OSBPL10: variants seen among roughly 807,000 people sequenced by gnomAD.
OSBPL10 encodes oxysterol binding protein like 10.
In OSBPL10, 49 loss-of-function variants were observed where a neutral mutation model predicts 81.7. The observed-to-expected ratio is 0.60, with a 90% CI of 0.48 to 0.76. The LOEUF (loss-of-function observed/expected upper bound fraction) is 0.76. Among genes scored for constraint, OSBPL10 ranks in the 30% least tolerant of loss-of-function variants. OSBPL10 has a pLI of 0.00. For missense variants in OSBPL10, 923 were observed against 987.8 expected, an observed-to-expected ratio of 0.93 and a Z score of 0.88; for synonymous variants, 419 against 383.6, an observed-to-expected ratio of 1.09 and a Z score of -1.08.
chr3:31,813,580 T>A lies in OSBPL10; in HGVS notation c.729+16460A>T, dbSNP rs189993619. 2.7e-3 allele frequency among the ~76,000 whole-genome samples: 415 copies of A among 152,312 alleles called. 2 individuals carry two copies. The highest frequency in any genetic ancestry group is 4.2e-3 in the Non-Finnish European group (284 of 68,028). On this transcript the variant is annotated intron_variant, in intron 4 of 11. Transcript: ENST00000396556. ...CAGAAATTACATGTAAAGTAAAATA[T>A]CTGTGGCTAATGCTGTGAGCACTAC...
intron 1 of OSBPL10, among the ~76,000 whole-genome samples, chr3:31,889,351 A>C (rs1216004990): frequency 6.6e-6 from 1 of 152,160 alleles, no homozygotes; most frequent in African/African-American, 2.4e-5. Context: ...CTGCACCCCC[A>C]CGTTTAGTGC....
chr3:31,693,006 C>G (rs960658214), intron 7 of OSBPL10, among the ~76,000 whole-genome samples: 6 of 152,218 alleles, frequency 3.9e-5, no homozygotes, highest in Non-Finnish European at 8.8e-5. Context: ...TTTACACAGA[C>G]AAGCTTAGGG....
intron 2 of OSBPL10, among the ~76,000 whole-genome samples, chr3:32,018,146 C>A (rs1699331861): frequency 8.8e-6 from 1 of 113,114 alleles, no homozygotes; most frequent in African/African-American, 3.5e-5. Flanking sequence ...AAAACTCCAT[C>A]TCAATAAATA....
chr3:31,716,750 C>G (rs1278853440), intron 6 of OSBPL10, among the ~76,000 whole-genome samples: 1 of 152,186 alleles, frequency 6.6e-6, no homozygotes, highest in Non-Finnish European at 1.5e-5. Flanking sequence ...AAATTATATT[C>G]TTCAACATTA....
chr3:31,875,779 T>C (rs2125630533), intron 3 of OSBPL10, among the ~76,000 whole-genome samples: 1 of 152,270 alleles, frequency 6.6e-6, no homozygotes, highest in South Asian at 2.1e-4. Context: ...TTTGAACTAA[T>C]GATAGAAAGG....
At chr3:32,001,568 A>G (rs527559903) in intron 2 of OSBPL10, among the ~76,000 whole-genome samples, 14 of 152,354 alleles carry the variant, frequency 9.2e-5, no homozygotes, top group African/African-American at 3.1e-4. Flanking sequence ...AAACTGGTGC[A>G]AATAAGAATT....
At chr3:31,788,014 GAAT>G (rs1022967041) in intron 4 of OSBPL10, among the ~76,000 whole-genome samples, 3 of 152,080 alleles carry the variant, frequency 2.0e-5, no homozygotes, top group African/African-American at 7.2e-5. Context: ...TGTAATAAAT[GAAT>G]AATATTTACA....
intron 1 of OSBPL10, among the ~76,000 whole-genome samples, chr3:31,968,648 C>T (rs1241569079): frequency 6.6e-6 from 1 of 152,136 alleles, no homozygotes; most frequent in Admixed American, 6.6e-5. Flanking sequence ...TCCTATTAAT[C>T]AACATGAGAA....
intron 2 of OSBPL10, among the ~76,000 whole-genome samples, chr3:32,026,053 TA>T (rs1350859693): frequency 0.033 from 3,965 of 118,694 alleles, 48 homozygotes; most frequent in African/African-American, 0.037. Flanking sequence ...GATAGATAGA[TA>T]GATGATAGAT....
chr3:32,055,484 T>C (rs189273109), intron 1 of OSBPL10, among the ~76,000 whole-genome samples: 1 of 152,106 alleles, frequency 6.6e-6, no homozygotes, highest in African/African-American at 2.4e-5. Flanking sequence ...GCATGAGCCA[T>C]ATTTATAGCT....
chr3:31,867,401 G>T (rs191862552), intron 3 of OSBPL10, among the ~76,000 whole-genome samples: 6 of 152,172 alleles, frequency 3.9e-5, no homozygotes, highest in African/African-American at 1.4e-4. Flanking sequence ...AAAATACCAG[G>T]AAACACTTCC....
intron 2 of OSBPL10, among the ~76,000 whole-genome samples, chr3:32,044,160 C>G (rs1699602105): frequency 6.6e-6 from 1 of 152,002 alleles, no homozygotes; most frequent in Non-Finnish European, 1.5e-5. Context: ...CCAAGCCAAG[C>G]TGTGGTCTTC....
chr3:31,926,107 G>T (rs1441335201), intron 1 of OSBPL10, among the ~76,000 whole-genome samples: 1 of 152,168 alleles, frequency 6.6e-6, no homozygotes, highest in Non-Finnish European at 1.5e-5. Flanking sequence ...TAGTACACAT[G>T]TACGTTTCCT....
At position 31,745,718 on chromosome 3, in the gene OSBPL10, T is replaced by C. The variant is rs573937301; in HGVS notation, c.940+2192A>G. Among the ~76,000 whole-genome samples the C allele has an allele frequency of 3.9e-5, 6 of 152,316 alleles. No individual in the cohort carries two copies. In the South Asian group the frequency reaches 1.2e-3, roughly 32 times the overall value. On this transcript the variant is annotated intron_variant, in intron 5 of 11. Coordinates refer to ENST00000396556, the MANE Select transcript of OSBPL10 (RefSeq NM_017784.5). Reference sequence around the variant, plus strand: ...TGTTTAATTGTTTTGTGTCCCAGCATATCATCTGAACGATGGGCATAATCA... The same window carrying C: ...TGTTTAATTGTTTTGTGTCCCAGCACATCATCTGAACGATGGGCATAATCA...
intron 1 of OSBPL10, among the ~76,000 whole-genome samples, chr3:31,884,169 TATATAGA>T (rs1266292788): frequency 2.6e-5 from 4 of 152,254 alleles, no homozygotes; most frequent in Non-Finnish European, 4.4e-5. Flanking sequence ...GATGTCACAT[TATATAGA>T]ATATAGGGAC....
chr3:32,063,569 G>A (rs1277213473), intron 1 of OSBPL10, among the ~76,000 whole-genome samples: 1 of 92,064 alleles, frequency 1.1e-5, no homozygotes, highest in East Asian at 2.5e-4. Flanking sequence ...TGACATGTAG[G>A]TGTTTGAGTC....
chr3:31,856,546 C>T (rs1315352356), intron 3 of OSBPL10, among the ~76,000 whole-genome samples: 3 of 152,178 alleles, frequency 2.0e-5, no homozygotes, highest in East Asian at 3.8e-4. Flanking sequence ...CTAAACTCAT[C>T]GGAATCTATT....
At chr3:31,886,424 C>T (rs541195947) in intron 1 of OSBPL10, among the ~76,000 whole-genome samples, 1 of 152,318 alleles carries the variant, frequency 6.6e-6, no homozygotes, top group African/African-American at 2.4e-5. Context: ...CCAGGCCCAC[C>T]TTCTGCCACG....
rs1698250844 is a variant in OSBPL10 at position 31,964,277 on chromosome 3, C to A, written c.281+16622G>T. On this transcript the variant is annotated intron_variant, in intron 1 of 11. Coordinates refer to ENST00000396556, the MANE Select transcript of OSBPL10 (RefSeq NM_017784.5). ...GTTCAAGCAATTCTCCTGCCTCAGG[C>A]TCCCGACTAACTGGGACTACAGGTG... Among the ~76,000 whole-genome samples, 4 of 152,192 alleles carry A rather than the reference C, an allele frequency of 2.6e-5. No homozygotes were observed. The South Asian group carries it at 8.3e-4, about 32-fold the overall frequency.
Sources: gnomAD v4.1 joint callset for allele counts (sites outside exome capture counted in the v4.1 genomes callset) on GRCh38, gnomAD v4.1.1 for gene constraint, MANE v1.5 for transcripts, NCBI Gene and HGNC (gene_info 2026-07-23, HGNC 2026-07-21) for gene names.